Variants in ZNF562 observed in about 807,000 individuals in gnomAD.
ZNF562 encodes the protein zinc finger protein 562.
ZNF562 carries 13 observed loss-of-function variants against 17.5 expected under a neutral mutation model. The observed-to-expected ratio is 0.74, with a 90% CI of 0.48 to 1.18. ZNF562 has a LOEUF of 1.18. Ranked by LOEUF, ZNF562 falls within the 50% of genes most tolerant of loss-of-function variation. The pLI is 0.00. For missense variants in ZNF562, 481 were observed against 498.5 expected, an observed-to-expected ratio of 0.96 and a Z score of 0.33; for synonymous variants, 163 against 165.4, an observed-to-expected ratio of 0.99 and a Z score of 0.11.
At chr19:9,659,785 G>C (rs1254947521) in intron 2 of ZNF562, among the ~76,000 whole-genome samples, 1 of 151,502 alleles carries the variant, frequency 6.6e-6, no homozygotes, top group South Asian at 2.1e-4. Context: ...ACACAAACCA[G>C]GGCTGAATTC....
intron 1 of ZNF562, among the ~76,000 whole-genome samples, chr19:9,674,290 G>A (rs961997713): frequency 6.6e-6 from 1 of 152,096 alleles, no homozygotes; most frequent in African/African-American, 2.4e-5. Context: ...GGGTGGAGCA[G>A]GTAATCAGAA....
Position 9,654,423 on chromosome 19 carries a change from T to C in ZNF562, c.349-542A>G, listed in dbSNP as rs2043382969. On this transcript the variant is annotated intron_variant, in intron 5 of 5. Coordinates refer to ENST00000453372, the MANE Select transcript of ZNF562 (RefSeq NM_001130031.2). ...TCACCCTAGCTAAAAGCTGTGTAGCTAGGACTAGAGGCATGCATCATCCAA... is the reference window on the plus strand; with the variant it reads ...TCACCCTAGCTAAAAGCTGTGTAGCCAGGACTAGAGGCATGCATCATCCAA... Among the ~76,000 whole-genome samples the C allele has an allele frequency of 2.6e-5, 4 of 152,282 alleles. No individual in the cohort carries two copies. In the South Asian group the frequency reaches 8.3e-4, roughly 32 times the overall value.
chr19:9,673,985 A>C (rs955660374), intron 1 of ZNF562, among the ~76,000 whole-genome samples: 1 of 152,194 alleles, frequency 6.6e-6, no homozygotes, highest in Admixed American at 6.5e-5. Context: ...TTTTCTCAGC[A>C]AGGCAATTTA....
chr19:9,642,851 C>G lies in ZNF562; in HGVS notation c.*10098G>C, dbSNP rs1379388369. The G allele has an allele frequency of 6.7e-6, 1 of 150,140 alleles. No homozygotes were observed. Among genetic ancestry groups the G allele is most frequent in the Non-Finnish European group, 1.5e-5 (1 of 67,674 alleles). 9.3% of individuals were successfully genotyped at this position (150,140 alleles called of 1,614,324 possible). On this transcript the variant is annotated 3_prime_UTR_variant, in exon 6 of 6. Coordinates refer to ENST00000453372, the MANE Select transcript of ZNF562 (RefSeq NM_001130031.2). Reference sequence around the variant, plus strand: ...GACCAGCCTGGGCAATATAGTGAGACACAGTCTCGACCAAAAAAAAAAAAA... The same window carrying G: ...GACCAGCCTGGGCAATATAGTGAGAGACAGTCTCGACCAAAAAAAAAAAAA...
At chr19:9,668,567 G>A (rs141260673) in intron 1 of ZNF562, among the ~76,000 whole-genome samples, 142 of 151,962 alleles carry the variant, frequency 9.3e-4, no homozygotes, top group African/African-American at 3.1e-3. Flanking sequence ...AAGAGCAACC[G>A]TTATCAAAAT....
intron 3 of ZNF562, 133 bp from the exon 4 acceptor site, chr19:9,658,268 A>T (rs2043596928): frequency 6.6e-6 from 9 of 1,362,342 alleles, no homozygotes; most frequent in Non-Finnish European, 8.6e-6. Flanking sequence ...TCCAGGGTTT[A>T]ATGTCTCAGG....
rs1169544972 is a variant in ZNF562, at chr19:9,648,908, G to C, written c.*4041C>G. The C allele has an allele frequency of 6.6e-6, 1 of 152,002 alleles. No individual in the cohort carries two copies. Among genetic ancestry groups the C allele is most frequent in the South Asian group, 2.1e-4 (1 of 4,818 alleles). 9.4% of individuals were successfully genotyped at this position (152,002 alleles called of 1,614,324 possible). A position where few individuals can be genotyped will look rare whatever the true frequency, so the allele number is the denominator to read the frequency against. ...AAGGAAGCATTTAATAAATTCAAGA[G>C]GAATTCAGCCTCATAAACTATGAAA... On this transcript the variant is annotated 3_prime_UTR_variant, in exon 6 of 6. Transcript: ENST00000453372.
In ZNF562 at chr19:9,642,804, G is replaced by C. The variant is rs1408919304; in HGVS notation, c.*10145C>G. The stretch of plus-strand genomic sequence containing the variant: ...GCATTTTGGGAGGCTGATGCAGAAG[G>C]ATAACTTGAACAGGATTTCAAGACC... On this transcript the variant is annotated 3_prime_UTR_variant, in exon 6 of 6. Transcript: ENST00000453372. 2.7e-5 allele frequency: 4 copies of C among 150,930 alleles called. No homozygotes were observed. Among genetic ancestry groups the C allele is most frequent in the Non-Finnish European group, 5.9e-5 (4 of 67,828 alleles). 9.3% of individuals were successfully genotyped at this position (150,930 alleles called of 1,614,324 possible).
rs1599260785 is a variant in ZNF562, at chr19:9,651,004, G to A, written c.*1945C>T. On this transcript the variant is annotated 3_prime_UTR_variant, in exon 6 of 6. Transcript: ENST00000453372. Reference sequence around the variant, plus strand: ...AAAATCCTGTGTTTTTAACCTCATTGATTTAAAATTAAATTAATTTCTAAG... The same window carrying A: ...AAAATCCTGTGTTTTTAACCTCATTAATTTAAAATTAAATTAATTTCTAAG... 7.3e-6 allele frequency: 1 copy of A among 137,166 alleles called. No individual in the cohort carries two copies. The highest frequency in any genetic ancestry group is 1.6e-5 in the Non-Finnish European group (1 of 64,500). 8.5% of individuals were successfully genotyped at this position (137,166 alleles called of 1,614,324 possible). A position where few individuals can be genotyped will look rare whatever the true frequency, so the allele number is the denominator to read the frequency against.
Position 9,653,664 on chromosome 19 carries a change from G to C in ZNF562, c.566C>G (p.Pro189Arg). 1 of 1,614,068 alleles carries C rather than the reference G, an allele frequency of 6.2e-7. No homozygotes were observed. The highest frequency in any genetic ancestry group is 8.5e-7 in the Non-Finnish European group (1 of 1,179,938). Residue 189 changes from proline (P) to arginine (R), a missense_variant, in exon 6 of 6, where the codon CCA becomes CGA. Transcript: ENST00000453372. ...AATTTCAAGATGCACAGCAAGGCCT[G>C]GAGTTAAGGTGAAGACTTTTCCACA... is the stretch of plus-strand genomic sequence containing the variant. ...NPCGKVFTLTPGLAVHLEILN... is the reference protein window; with the variant it reads ...NPCGKVFTLTRGLAVHLEILN...
chr19:9,654,131 C>T (rs532005168), intron 5 of ZNF562, among the ~76,000 whole-genome samples: 1 of 152,102 alleles, frequency 6.6e-6, no homozygotes, highest in Admixed American at 6.6e-5. Context: ...GCTGGAAATA[C>T]AGGTGTGCAC....
Position 9,660,088 on chromosome 19 carries a change from CAAAAAAAAAAAA to C in ZNF562, c.25+620_26-622del, listed in dbSNP as rs1175978470. 1.9e-4 allele frequency among the ~76,000 whole-genome samples: 9 copies of C among 48,286 alleles called. 1 individual carries two copies. The South Asian group carries it at 5.8e-3, about 31-fold the overall frequency. The allele number at this position is 48,286 out of a possible 152,430, so 31.7% of individuals were successfully genotyped here. A position where few individuals can be genotyped will look rare whatever the true frequency, so the allele number is the denominator to read the frequency against. ...TGGGTGACAGAGTGAGACTCCATCT[CAAAAAAAAAAAA>C]AAAAAAAAAAAAATTAGCTGAACCT... On this transcript the variant is annotated intron_variant, in intron 2 of 5. Transcript: ENST00000453372.
chr19:9,674,527 A>G (rs980668404), intron 1 of ZNF562: 2 of 152,032 alleles, frequency 1.3e-5, no homozygotes, highest in Non-Finnish European at 2.9e-5. Flanking sequence ...AAAAAAAAAA[A>G]AAGTAAAGGA....
At chr19:9,662,590 T>C (rs905692600) in intron 1 of ZNF562, among the ~76,000 whole-genome samples, 4 of 150,088 alleles carry the variant, frequency 2.7e-5, no homozygotes, top group Non-Finnish European at 5.9e-5. Context: ...AAAGAAAATA[T>C]AGACAACAGG....
intron 1 of ZNF562, among the ~76,000 whole-genome samples, chr19:9,669,708 ACGCGCGCGAGCGCG>A (rs1320756087): frequency 2.9e-5 from 4 of 140,150 alleles, no homozygotes; most frequent in South Asian, 4.5e-4. Flanking sequence ...GTCTGCATGC[ACGCGCGCGAGCGCG>A]CGCGCGCGCG....
Position 9,650,434 on chromosome 19 carries a change from A to AC in ZNF562, c.*2514dup, listed in dbSNP as rs1196429018. 2 of 142,338 alleles carry AC rather than the reference A, an allele frequency of 1.4e-5. No homozygotes were observed. The highest frequency in any genetic ancestry group is 2.1e-4 in the East Asian group (1 of 4,826). 8.8% of individuals were successfully genotyped at this position (142,338 alleles called of 1,614,324 possible). Reference sequence around the variant, plus strand: ...CACACACACACACACACACACAGTGACCCCCCAAATTTCATATGAAGTTCC... The same window carrying AC: ...CACACACACACACACACACACAGTGACCCCCCCAAATTTCATATGAAGTTCC... On this transcript the variant is annotated 3_prime_UTR_variant, in exon 6 of 6. Transcript: ENST00000453372.
chr19:9,662,328 C>CT (rs2043783004), intron 1 of ZNF562, among the ~76,000 whole-genome samples: 1 of 152,246 alleles, frequency 6.6e-6, no homozygotes, highest in African/African-American at 2.4e-5. Flanking sequence ...AATCTCAGTA[C>CT]TTTGGGAGGC....
In ZNF562 at chr19:9,653,142, A is replaced by G. The variant is rs2074897008; in HGVS notation, c.1088T>C (p.Ile363Thr). The G allele has an allele frequency of 6.2e-7, 1 of 1,611,930 alleles. No homozygotes were observed. The highest frequency in any genetic ancestry group is 1.1e-5 in the South Asian group (1 of 90,830). ...FTQYTGLAIH[I>T]RNHTGEKPYQ... is the part of the protein sequence containing the mutation. ...GGGTTTCTCTCCAGTGTGATTTCGT[A>G]TGTGTATAGCAAGGCCCGTGTACTG... Residue 363 changes from isoleucine to threonine, a missense_variant, in exon 6 of 6, where the codon ATA (isoleucine) becomes ACA (threonine). Ile to Thr is a moderately conservative substitution (Grantham distance 89). Coordinates refer to ENST00000453372, the MANE Select transcript of ZNF562 (RefSeq NM_001130031.2).
Position 9,645,921 on chromosome 19 carries a change from C to T in ZNF562, c.*7028G>A, listed in dbSNP as rs937596942. 1 of 151,848 alleles carries T rather than the reference C, an allele frequency of 6.6e-6. No individual in the cohort carries two copies. The highest frequency in any genetic ancestry group is 2.4e-5 in the African/African-American group (1 of 41,306). The allele number at this position is 151,848 out of a possible 1,614,324, so 9.4% of individuals were successfully genotyped here. A position where few individuals can be genotyped will look rare whatever the true frequency, so the allele number is the denominator to read the frequency against. Reference sequence around the variant, plus strand: ...GAATAAAATAAATTAAAGGTATGATCAATACACATCAGTACAAAGAGGGGA... The same window carrying T: ...GAATAAAATAAATTAAAGGTATGATTAATACACATCAGTACAAAGAGGGGA... On this transcript the variant is annotated 3_prime_UTR_variant, in exon 6 of 6. Coordinates refer to ENST00000453372, the MANE Select transcript of ZNF562 (RefSeq NM_001130031.2).
Sources: allele counts gnomAD v4.1 joint callset (sites outside exome capture counted in the v4.1 genomes callset), GRCh38; gene constraint gnomAD v4.1.1; transcripts MANE v1.5; gene names NCBI Gene and HGNC (gene_info 2026-07-23, HGNC 2026-07-21).